SBF2: variants seen among roughly 807,000 people sequenced by gnomAD.
The protein encoded by SBF2 is SET binding factor 2.
In SBF2, 112 loss-of-function variants were observed where a neutral mutation model predicts 225.2. The observed-to-expected ratio is 0.50, with a 90% CI of 0.43 to 0.58. The LOEUF (loss-of-function observed/expected upper bound fraction) is 0.58, where lower values mean the gene tolerates loss of function less well. SBF2 is among the 20% of genes least tolerant of loss of function. The pLI, the probability that SBF2 is intolerant of heterozygous loss-of-function variation, is 0.00. For missense variants in SBF2, 1,996 were observed against 2,206.2 expected (o/e 0.90, Z 1.91); for synonymous variants, 763 against 773.3 (o/e 0.99, Z 0.22).
At chr11:10,209,681 A>C (rs903497921) in intron 1 of SBF2, among the ~76,000 whole-genome samples, 1 of 152,092 alleles carries the variant, frequency 6.6e-6, no homozygotes, top group African/African-American at 2.4e-5. Context: ...TTTCTATAAA[A>C]TCTGTATCTT....
At chr11:10,285,410 C>A (rs1230641515) in intron 1 of SBF2, among the ~76,000 whole-genome samples, 1 of 151,830 alleles carries the variant, frequency 6.6e-6, no homozygotes, top group Non-Finnish European at 1.5e-5. Context: ...AAAAAAATCT[C>A]AATAATACTG....
Position 10,254,900 on chromosome 11 carries a change from C to CAAA in SBF2, c.55+39112_55+39114dup, listed in dbSNP as rs71034757. Among the ~76,000 whole-genome samples, 58 of 44,074 alleles carry CAAA rather than the reference C, an allele frequency of 1.3e-3. 7 individuals are homozygous for CAAA. Among genetic ancestry groups the CAAA allele is most frequent in the African/African-American group, 2.7e-3 (28 of 10,554 alleles). The allele number at this position is 44,074 out of a possible 152,430, so 28.9% of individuals were successfully genotyped here. A position where few individuals can be genotyped will look rare whatever the true frequency, so the allele number is the denominator to read the frequency against. The stretch of plus-strand genomic sequence containing the variant: ...TGGGTGACAGAGTGAGACTCTGTCT[C>CAAA]AAAAAAAAAAAAAAAAAAAAAAAAA... On this transcript the variant is annotated intron_variant, in intron 1 of 39. Coordinates refer to ENST00000256190, the MANE Select transcript of SBF2 (RefSeq NM_030962.4).
chr11:9,943,047 C>A (rs749293045), intron 16 of SBF2, among the ~76,000 whole-genome samples: 1 of 151,798 alleles, frequency 6.6e-6, no homozygotes, highest in Non-Finnish European at 1.5e-5. Flanking sequence ...CATAAATAGG[C>A]GAATGAACTG....
In SBF2 at chr11:9,915,465, G is replaced by T. The variant is rs192937285; in HGVS notation, c.1861-19454C>A. On this transcript the variant is annotated intron_variant, in intron 16 of 39. Transcript: ENST00000256190. The stretch of plus-strand genomic sequence containing the variant: ...CGTCTCAAAAAAAAAAAAAAAAAAA[G>T]AAATTCTAGCTGATAAACTGCTTCC... 5.1e-5 allele frequency: 6 copies of T among 117,302 alleles called. No individual in the cohort carries two copies. The East Asian group carries it at 1.2e-3, about 23-fold the overall frequency. 7.3% of individuals were successfully genotyped at this position (117,302 alleles called of 1,614,324 possible). A position where few individuals can be genotyped will look rare whatever the true frequency, so the allele number is the denominator to read the frequency against.
At chr11:10,024,060 T>C (rs2134608277) in intron 6 of SBF2, among the ~76,000 whole-genome samples, 1 of 152,308 alleles carries the variant, frequency 6.6e-6, no homozygotes, top group Non-Finnish European at 1.5e-5. Context: ...TTTAGAACTT[T>C]AGAGAAACCG....
intron 13 of SBF2, among the ~76,000 whole-genome samples, chr11:9,986,992 AAT>A (rs1947225153): frequency 6.6e-6 from 1 of 152,190 alleles, no homozygotes; most frequent in African/African-American, 2.4e-5. Flanking sequence ...ACTACAGACT[AAT>A]ATCCTTGATG....
intron 1 of SBF2, among the ~76,000 whole-genome samples, chr11:10,299,230 C>G (rs1964574464): frequency 6.7e-6 from 1 of 148,456 alleles, no homozygotes; most frequent in South Asian, 2.1e-4. Flanking sequence ...CCCAGCTACT[C>G]AGGAGGCTGA....
upstream of SBF2, chr11:10,294,294 G>A (rs934135490): frequency 8.0e-4 from 286 of 358,682 alleles, 1 homozygote; most frequent in Non-Finnish European, 8.6e-4. Flanking sequence ...AAGCCCGGGC[G>A]GCGAGCCCAC....
chr11:10,151,456 G>T (rs542520932), intron 2 of SBF2, among the ~76,000 whole-genome samples: 95 of 152,258 alleles, frequency 6.2e-4, no homozygotes, highest in African/African-American at 2.2e-3. Flanking sequence ...CTACTGCATA[G>T]AGCTTATTTT....
At chr11:10,159,509 C>T (rs1364520621) in intron 2 of SBF2, among the ~76,000 whole-genome samples, 1 of 152,188 alleles carries the variant, frequency 6.6e-6, no homozygotes, top group Non-Finnish European at 1.5e-5. Flanking sequence ...CACCCAGGAA[C>T]TGACTCAGCA....
rs150642028 is a variant in SBF2 at position 10,099,165 on chromosome 11, C to T, written c.142-56184G>A. On this transcript the variant is annotated intron_variant, in intron 2 of 39. Transcript: ENST00000256190. ...AAAGAAAATTACACTAAGACATGTG[C>T]TAATCAAATTACCAGAAGTTAAAGA... is the stretch of plus-strand genomic sequence containing the variant. Among the ~76,000 whole-genome samples, 104 of 152,136 alleles carry T rather than the reference C, an allele frequency of 6.8e-4. 1 individual carries two copies. The highest frequency in any genetic ancestry group is 2.1e-3 in the African/African-American group (88 of 41,518).
chr11:10,101,741 G>T (rs994957103), intron 2 of SBF2, among the ~76,000 whole-genome samples: 3 of 151,420 alleles, frequency 2.0e-5, no homozygotes, highest in Non-Finnish European at 4.4e-5. Context: ...TTAATTAATA[G>T]AAAAAAAGGA....
At chr11:10,259,253 T>C (rs1961196586) in intron 1 of SBF2, among the ~76,000 whole-genome samples, 1 of 152,154 alleles carries the variant, frequency 6.6e-6, no homozygotes, top group African/African-American at 2.4e-5. Context: ...TCTTTTATTG[T>C]TAAGATGCAA....
intron 1 of SBF2, among the ~76,000 whole-genome samples, chr11:10,196,943 G>C (rs1255862872): frequency 1.4e-5 from 2 of 146,876 alleles, no homozygotes; most frequent in African/African-American, 2.5e-5. Context: ...ATTTTACAAA[G>C]GGCCTTAAAT....
chr11:10,097,543 A>G (rs1952078319), intron 2 of SBF2, among the ~76,000 whole-genome samples: 1 of 152,196 alleles, frequency 6.6e-6, no homozygotes, highest in Non-Finnish European at 1.5e-5. Flanking sequence ...AAAGCTTATT[A>G]GAAAGGAAAT....
At chr11:10,044,426 A>G (rs1273606018) in intron 2 of SBF2, 3 of 155,876 alleles carry the variant, frequency 1.9e-5, no homozygotes, top group Non-Finnish European at 2.8e-5. Context: ...CAAATTATAT[A>G]ATAAGCAAAG....
At chr11:10,163,013 T>C (rs535497281) in intron 2 of SBF2, among the ~76,000 whole-genome samples, 1 of 152,190 alleles carries the variant, frequency 6.6e-6, no homozygotes, top group South Asian at 2.1e-4. Flanking sequence ...TATCAGGGAA[T>C]GTATGAGGGT....
chr11:9,798,023 G>T (rs1853239247), intron 32 of SBF2, among the ~76,000 whole-genome samples: 1 of 149,982 alleles, frequency 6.7e-6, no homozygotes, highest in Non-Finnish European at 1.5e-5. Flanking sequence ...AACTTGAGGA[G>T]TTTATAATTA....
chr11:9,832,151 G>T, intron 27 of SBF2, 73 bp downstream of exon 27: 1 of 1,387,328 alleles, frequency 7.2e-7, no homozygotes, highest in Non-Finnish European at 1.0e-6. Context: ...ACCATTCCCA[G>T]ATTTTACTTC....
Sources: gnomAD v4.1 joint callset for allele counts (sites outside exome capture counted in the v4.1 genomes callset) on GRCh38, gnomAD v4.1.1 for gene constraint, MANE v1.5 for transcripts, NCBI Gene and HGNC (gene_info 2026-07-23, HGNC 2026-07-21) for gene names.